Variants in MOGAT1 observed in about 807,000 individuals in gnomAD.
MOGAT1 encodes the protein monoacylglycerol O-acyltransferase 1.
A neutral mutation model predicts 31.4 loss-of-function variants in MOGAT1; 32 were observed. The ratio of observed to expected loss-of-function variants is 1.02; its 90% CI spans 0.77 to 1.37. MOGAT1 has a LOEUF of 1.37. Among genes scored for constraint, MOGAT1 ranks in the 40% most tolerant of loss-of-function variants. The probability of loss-of-function intolerance (pLI) is 0.00; values close to 1 mark genes in which losing one functional copy is unlikely to be tolerated. For synonymous variants in MOGAT1, 145 were observed against 144.5 expected (o/e 1.00, Z -0.03); for missense variants, 426 against 402.0 (o/e 1.06, Z -0.51).
At chr2:222,686,975 G>A (rs1299746864) in intron 1 of MOGAT1, among the ~76,000 whole-genome samples, 2 of 151,638 alleles carry the variant, frequency 1.3e-5, no homozygotes, top group African/African-American at 2.4e-5. Context: ...TTAGCTGGGC[G>A]TGGTGGTGCG....
chr2:222,701,770 C>A (rs1559234215), intron 5 of MOGAT1, among the ~76,000 whole-genome samples: 1 of 152,072 alleles, frequency 6.6e-6, no homozygotes. Flanking sequence ...CCAGCGCTGG[C>A]CACATAGAGA....
Position 222,671,822 on chromosome 2 carries a change from G to A in MOGAT1, c.37G>A (p.Ala13Thr), listed in dbSNP as rs35959734. ...GTTTGCACCGCTCAACATCCAGCTG[G>A]CGCGGCGGCTGCAGACGGTGGCCGT... ...VEFAPLNIQL[A>T]RRLQTVAVLQ... Residue 13 changes from alanine to threonine, a missense_variant, in exon 1 of 6, where the codon GCG (alanine) becomes ACG (threonine). Physicochemically the swap from Ala to Thr is moderately conservative, Grantham distance 58. Transcript: ENST00000446656. 0.025 allele frequency: 38,849 copies of A among 1,553,860 alleles called. 1,323 individuals are homozygous for A. Among genetic ancestry groups the A allele is most frequent in the African/African-American group, 0.16 (11,637 of 73,250 alleles).
Position 222,701,301 on chromosome 2 carries a change from A to G in MOGAT1, c.853+6013A>G, listed in dbSNP as rs189153825. ...GAGAGAGAGAGAGAGGAGGAGGAGG[A>G]GAGAGAGAGAGAGAGAGAGAGAGAG... is the stretch of plus-strand genomic sequence containing the variant. On this transcript the variant is annotated intron_variant, in intron 5 of 5. Transcript: ENST00000446656. 2.7e-3 allele frequency among the ~76,000 whole-genome samples: 289 copies of G among 105,470 alleles called. 4 individuals are homozygous for G. In the East Asian group the frequency reaches 0.044, roughly 16 times the overall value. 69.2% of individuals were successfully genotyped at this position (105,470 alleles called of 152,430 possible).
chr2:222,690,759 C>A (rs1193080072), intron 3 of MOGAT1, among the ~76,000 whole-genome samples: 1 of 152,124 alleles, frequency 6.6e-6, no homozygotes, highest in Non-Finnish European at 1.5e-5. Context: ...CGCACTAAAC[C>A]CTCCAAGCTA....
At chr2:222,685,362 T>C (rs1692648444) in intron 1 of MOGAT1, among the ~76,000 whole-genome samples, 1 of 152,164 alleles carries the variant, frequency 6.6e-6, no homozygotes, top group Non-Finnish European at 1.5e-5. Flanking sequence ...AAACAGGAGC[T>C]GTCATAAGCC....
intron 1 of MOGAT1, among the ~76,000 whole-genome samples, chr2:222,677,413 T>A (rs1692515054): frequency 6.6e-6 from 1 of 152,160 alleles, no homozygotes; most frequent in South Asian, 2.1e-4. Context: ...ACCCTGACTC[T>A]ACTAAAAAGC....
At position 222,674,112 on chromosome 2, in the gene MOGAT1, T is replaced by C. The variant is rs542975608; in HGVS notation, c.94+2233T>C. On this transcript the variant is annotated intron_variant, in intron 1 of 5. Transcript: ENST00000446656. ...TACTCAAGATCACATGGCCCAGTAGTGGAAAGTCGAGACACATGTGACCGC... is the reference window on the plus strand; with the variant it reads ...TACTCAAGATCACATGGCCCAGTAGCGGAAAGTCGAGACACATGTGACCGC... Among the ~76,000 whole-genome samples the C allele has an allele frequency of 1.7e-4, 26 of 152,252 alleles. No individual in the cohort carries two copies. In the South Asian group the frequency reaches 5.4e-3, roughly 32 times the overall value.
intron 1 of MOGAT1, among the ~76,000 whole-genome samples, chr2:222,684,905 A>C (rs1182404331): frequency 1.3e-5 from 2 of 152,206 alleles, no homozygotes; most frequent in Non-Finnish European, 2.9e-5. Context: ...TTATGGAAGT[A>C]AATCAAAATG....
At chr2:222,675,535 A>G (rs1174424439) in intron 1 of MOGAT1, among the ~76,000 whole-genome samples, 1 of 143,850 alleles carries the variant, frequency 7.0e-6, no homozygotes, top group South Asian at 2.2e-4. Flanking sequence ...GCTGGAGTGC[A>G]GTGGCGCGAT....
At chr2:222,695,774 T>A (rs1574975355) in intron 5 of MOGAT1, among the ~76,000 whole-genome samples, 1 of 152,266 alleles carries the variant, frequency 6.6e-6, no homozygotes, top group South Asian at 2.1e-4. Flanking sequence ...ATTTTTTTTT[T>A]ATTTCAGTAG....
intron 3 of MOGAT1, among the ~76,000 whole-genome samples, chr2:222,692,626 G>A (rs1692779477): frequency 6.6e-6 from 1 of 152,148 alleles, no homozygotes; most frequent in Non-Finnish European, 1.5e-5. Flanking sequence ...TTGGAGATAT[G>A]GGCCTGGAAC....
chr2:222,694,549 T>C lies in MOGAT1; in HGVS notation c.653+13T>C. On this transcript the variant is annotated intron_variant, in intron 4 of 5. Coordinates refer to ENST00000446656, the MANE Select transcript of MOGAT1 (RefSeq NM_058165.3). ...CTTTGACCCATGGGTAAGTGGCTTT[T>C]TGTATAAAGTAGGGGGTCAGAAAAG... is the stretch of plus-strand genomic sequence containing the variant. 1.2e-6 allele frequency: 2 copies of C among 1,610,820 alleles called. No individual in the cohort carries two copies. The highest frequency in any genetic ancestry group is 1.7e-6 in the Non-Finnish European group (2 of 1,178,646).
intron 1 of MOGAT1, 102 bp downstream of exon 1, chr2:222,671,981 C>T: frequency 1.0e-6 from 1 of 964,638 alleles, no homozygotes; most frequent in Non-Finnish European, 1.6e-6. Flanking sequence ...CCCTCGTTCC[C>T]CTGTCGGCCA....
In MOGAT1 at chr2:222,695,128, A is replaced by C; in HGVS notation, c.693A>C (p.Glu231Asp). Residue 231 changes from glutamate (E) to aspartate (D), a missense_variant, in exon 5 of 6, where the codon GAA (glutamate) becomes GAC (aspartate). Physicochemically the swap from Glu to Asp is conservative, Grantham distance 45. Transcript: ENST00000446656. ...CAGTGGTTTCTTTTGGTGAAAATGA[A>C]CTGTTTAAACAAACTGACAACCCTG... ...LVPVVSFGENELFKQTDNPEG... is the reference protein window; with the variant it reads ...LVPVVSFGENDLFKQTDNPEG... The C allele has an allele frequency of 6.2e-7, 1 of 1,607,652 alleles. No homozygotes were observed. The highest frequency in any genetic ancestry group is 8.5e-7 in the Non-Finnish European group (1 of 1,177,422).
intron 1 of MOGAT1, among the ~76,000 whole-genome samples, chr2:222,687,708 C>T (rs1207325750): frequency 1.3e-5 from 2 of 152,122 alleles, no homozygotes; most frequent in Non-Finnish European, 2.9e-5. Context: ...AAGAGTCCCA[C>T]CTTTGCTATT....
intron 1 of MOGAT1, among the ~76,000 whole-genome samples, chr2:222,672,647 T>C (rs1172445239): frequency 6.6e-6 from 1 of 152,142 alleles, no homozygotes; most frequent in Non-Finnish European, 1.5e-5. Flanking sequence ...GGGGAGACCC[T>C]TCTATTGAAA....
At chr2:222,696,248 C>T (rs770742154) in intron 5 of MOGAT1, among the ~76,000 whole-genome samples, 1 of 152,154 alleles carries the variant, frequency 6.6e-6, no homozygotes, top group Non-Finnish European at 1.5e-5. Flanking sequence ...GTATATTTTT[C>T]GTATAATGAC....
chr2:222,704,641 A>G (rs1357005380), intron 5 of MOGAT1, among the ~76,000 whole-genome samples: 1 of 151,762 alleles, frequency 6.6e-6, no homozygotes, highest in Non-Finnish European at 1.5e-5. Context: ...AAAAAAAAAG[A>G]GTATCCCAAT....
At chr2:222,709,438 A>G (rs969973780) in intron 5 of MOGAT1, among the ~76,000 whole-genome samples, 7 of 152,200 alleles carry the variant, frequency 4.6e-5, no homozygotes, top group African/African-American at 1.4e-4. Flanking sequence ...GGTGACGTGG[A>G]CACACAGCTA....
Sources: gnomAD v4.1 joint callset for allele counts (sites outside exome capture counted in the v4.1 genomes callset) on GRCh38, gnomAD v4.1.1 for gene constraint, MANE v1.5 for transcripts, NCBI Gene and HGNC (gene_info 2026-07-23, HGNC 2026-07-21) for gene names.